Variants in SMG6 observed in about 807,000 individuals in gnomAD.
SMG6 encodes telomerase-binding protein EST1A.
A neutral mutation model predicts 142.2 loss-of-function variants in SMG6; 66 were observed. The ratio of observed to expected loss-of-function variants is 0.46; its 90% CI spans 0.38 to 0.57. SMG6 has a LOEUF of 0.57. SMG6 is among the 20% of genes least tolerant of loss of function. The probability of loss-of-function intolerance (pLI) is 0.00; values close to 1 mark genes in which losing one functional copy is unlikely to be tolerated. For synonymous variants in SMG6, 779 were observed against 702.4 expected (o/e 1.11, Z -1.72); for missense variants, 1,793 against 1,832.0 (o/e 0.98, Z 0.39).
intron 10 of SMG6, among the ~76,000 whole-genome samples, chr17:2,192,323 C>T (rs2072189386): frequency 6.6e-6 from 1 of 152,200 alleles, no homozygotes; most frequent in Non-Finnish European, 1.5e-5. Flanking sequence ...AATCTGGCAG[C>T]GATGGAACTA....
chr17:2,264,040 A>G (rs1203509092), intron 8 of SMG6, among the ~76,000 whole-genome samples: 2 of 152,202 alleles, frequency 1.3e-5, no homozygotes, highest in Non-Finnish European at 2.9e-5. Context: ...CTTACCCCAC[A>G]TAACAGGCAG....
intron 10 of SMG6, among the ~76,000 whole-genome samples, chr17:2,208,818 G>A (rs1456452386): frequency 1.3e-5 from 2 of 152,230 alleles, no homozygotes; most frequent in Non-Finnish European, 2.9e-5. Flanking sequence ...ACAGAAAAAG[G>A]TTGCAAACAT....
intron 8 of SMG6, among the ~76,000 whole-genome samples, chr17:2,268,538 C>T (rs575168759): frequency 6.6e-6 from 1 of 152,082 alleles, no homozygotes; most frequent in South Asian, 2.1e-4. Context: ...TTTGGGAGGC[C>T]GAAGTGGGCA....
intron 6 of SMG6, among the ~76,000 whole-genome samples, chr17:2,288,169 C>T (rs2074949632): frequency 6.6e-6 from 1 of 151,798 alleles, no homozygotes; most frequent in Non-Finnish European, 1.5e-5. Context: ...CAAAAATTAG[C>T]CAGGCGTGGT....
chr17:2,242,971 C>G (rs555952496), intron 9 of SMG6, among the ~76,000 whole-genome samples: 19 of 152,166 alleles, frequency 1.2e-4, no homozygotes, highest in Non-Finnish European at 2.2e-4. Flanking sequence ...ACAACAAATA[C>G]TACATGCCAG....
chr17:2,241,118 A>G (rs1597686741), intron 9 of SMG6, among the ~76,000 whole-genome samples: 1 of 152,120 alleles, frequency 6.6e-6, no homozygotes, highest in East Asian at 1.9e-4. Context: ...ATCCACATAC[A>G]TTTTCCTCAA....
chr17:2,133,329 G>GT (rs1227831300), intron 13 of SMG6, among the ~76,000 whole-genome samples: 1 of 152,114 alleles, frequency 6.6e-6, no homozygotes, highest in African/African-American at 2.4e-5. Flanking sequence ...AGCTTTTACT[G>GT]TAATTATTCA....
At chr17:2,164,342 A>C (rs2071268958) in intron 13 of SMG6, among the ~76,000 whole-genome samples, 1 of 146,530 alleles carries the variant, frequency 6.8e-6, no homozygotes, top group Non-Finnish European at 1.5e-5. Context: ...AGAATCGCTT[A>C]AACCCGGGAG....
chr17:2,141,605 A>C lies in SMG6; in HGVS notation c.3357+31053T>G, dbSNP rs118012335. 8.4e-4 allele frequency among the ~76,000 whole-genome samples: 128 copies of C among 151,936 alleles called. 1 individual carries two copies. The East Asian group carries it at 0.02, about 24-fold the overall frequency. On this transcript the variant is annotated intron_variant, in intron 13 of 18. Coordinates refer to ENST00000263073, the MANE Select transcript of SMG6 (RefSeq NM_017575.5). ...CACAGGTGTGCACACCATACCCGCT[A>C]ATTTTTAAAAAATTTTTTTGCAGAG...
At position 2,296,908 on chromosome 17, in the gene SMG6, TC is replaced by T. The variant is rs1472719317; in HGVS notation, c.2151+334del. Among the ~76,000 whole-genome samples the T allele has an allele frequency of 5.3e-5, 8 of 149,650 alleles. 1 individual carries two copies. In the Admixed American group the frequency reaches 5.4e-4, roughly 10 times the overall value. On this transcript the variant is annotated intron_variant, in intron 4 of 18. Transcript: ENST00000263073. The stretch of plus-strand genomic sequence containing the variant: ...TACTCGGGAGACTGACAGAGGAGAA[TC>T]CCTTAAACCTGGGAGGCAGAGGTTG...
chr17:2,146,191 C>A (rs1008465717), intron 13 of SMG6, among the ~76,000 whole-genome samples: 7 of 152,200 alleles, frequency 4.6e-5, no homozygotes. Context: ...AGCATGAACT[C>A]TGGTGTCTGG....
rs548796766 is a variant in SMG6 at position 2,120,369 on chromosome 17, GAGGAAGATGTGAAAAGATCCTTCATA to G, written c.3358-34494_3358-34469del. 7.9e-5 allele frequency among the ~76,000 whole-genome samples: 12 copies of G among 152,268 alleles called. No individual in the cohort carries two copies. In the East Asian group the frequency reaches 1.9e-3, roughly 24 times the overall value. ...ACAAGAAAATAACTCAAGAAAATGG[GAGGAAGATGTGAAAAGATCCTTCATA>G]AGGAAGATAGGCAAAAAAGTCAGTA... On this transcript the variant is annotated intron_variant, in intron 13 of 18. Coordinates refer to ENST00000263073, the MANE Select transcript of SMG6 (RefSeq NM_017575.5).
In SMG6 at chr17:2,154,023, G is replaced by A. The variant is rs186619939; in HGVS notation, c.3357+18635C>T. On this transcript the variant is annotated intron_variant, in intron 13 of 18. Coordinates refer to ENST00000263073, the MANE Select transcript of SMG6 (RefSeq NM_017575.5). ...GGGGAAACCTGGGGATGCATGTAGA[G>A]TGTGACGGTGACTGGGGAACCTGGG... is the stretch of plus-strand genomic sequence containing the variant. Among the ~76,000 whole-genome samples, 259 of 124,728 alleles carry A rather than the reference G, an allele frequency of 2.1e-3. 2 individuals are homozygous for A. The highest frequency in any genetic ancestry group is 5.8e-3 in the Admixed American group (72 of 12,378). 81.8% of individuals were successfully genotyped at this position (124,728 alleles called of 152,430 possible).
chr17:2,284,477 AAAG>A (rs1401010232), intron 6 of SMG6, among the ~76,000 whole-genome samples: 2 of 152,254 alleles, frequency 1.3e-5, no homozygotes, highest in East Asian at 1.9e-4. Context: ...AGTGGGTCAG[AAAG>A]AAGGAAAAAG....
chr17:2,182,685 A>G (rs1260768592), intron 12 of SMG6, among the ~76,000 whole-genome samples: 1 of 152,078 alleles, frequency 6.6e-6, no homozygotes, highest in Non-Finnish European at 1.5e-5. Flanking sequence ...CTACTCCCCA[A>G]AAGTGCCCTC....
intron 8 of SMG6, among the ~76,000 whole-genome samples, chr17:2,281,089 T>C (rs2074774759): frequency 6.6e-6 from 1 of 152,146 alleles, no homozygotes; most frequent in Admixed American, 6.5e-5. Flanking sequence ...AGGCAGAGTC[T>C]CACTCATCAC....
At chr17:2,078,140 G>A (rs990427866) in intron 15 of SMG6, among the ~76,000 whole-genome samples, 1 of 152,102 alleles carries the variant, frequency 6.6e-6, no homozygotes, top group African/African-American at 2.4e-5. Flanking sequence ...TCCAGGAGGT[G>A]CCACTTACAG....
intron 6 of SMG6, among the ~76,000 whole-genome samples, chr17:2,285,645 C>G (rs1210463457): frequency 1.3e-5 from 2 of 152,118 alleles, no homozygotes; most frequent in Non-Finnish European, 2.9e-5. Flanking sequence ...TCAGGACCAG[C>G]CTTGGCAACG....
chr17:2,061,804 A>T, intron 18 of SMG6, 182 bp from the exon 19 acceptor site: 1 of 633,494 alleles, frequency 1.6e-6, no homozygotes, highest in Non-Finnish European at 2.7e-6. Context: ...CTGCTGGCCT[A>T]GAGAGGGCTG....
Sources: allele counts gnomAD v4.1 joint callset (sites outside exome capture counted in the v4.1 genomes callset), GRCh38; gene constraint gnomAD v4.1.1; transcripts MANE v1.5; gene names NCBI Gene and HGNC (gene_info 2026-07-23, HGNC 2026-07-21).